DPP6: variants seen among roughly 807,000 people sequenced by gnomAD.
DPP6 encodes the protein dipeptidyl peptidase like 6, also known as A-type potassium channel modulatory protein DPP6.
A neutral mutation model predicts 122.6 loss-of-function variants in DPP6; 69 were observed. The observed-to-expected ratio is 0.56, with a 90% CI of 0.46 to 0.69. The LOEUF is 0.69. Ranked by LOEUF, DPP6 falls within the 30% of genes least tolerant of loss-of-function variation. DPP6 has a pLI of 0.00. For synonymous variants in DPP6, 418 were observed against 433.1 expected, an observed-to-expected ratio of 0.97 and a Z score of 0.43; for missense variants, 928 against 1,116.9, an observed-to-expected ratio of 0.83 and a Z score of 2.41.
intron 1 of DPP6, among the ~76,000 whole-genome samples, chr7:154,252,235 T>TGTGTGTGTGTGTGTGTGTGC (rs60245069): frequency 7.2e-4 from 108 of 149,442 alleles, no homozygotes; most frequent in African/African-American, 2.5e-3. Context: ...TGTGTGTGTG[T>TGTGTGTGTGTGTGTGTGTGC]GCGCGCATGC....
intron 4 of DPP6, among the ~76,000 whole-genome samples, chr7:154,555,657 A>G (rs1416150353): frequency 6.6e-6 from 1 of 152,044 alleles, no homozygotes; most frequent in Non-Finnish European, 1.5e-5. Flanking sequence ...ATGTCAAAAA[A>G]AACTAATAAG....
At position 154,893,253 on chromosome 7, in the gene DPP6, C is replaced by T. The variant is rs868166631; in HGVS notation, c.*773C>T. 144 of 262,512 alleles carry T rather than the reference C, an allele frequency of 5.5e-4. No individual in the cohort carries two copies. The highest frequency in any genetic ancestry group is 4.3e-3 in the Middle Eastern group (3 of 692). The allele number at this position is 262,512 out of a possible 1,614,324, so 16.3% of individuals were successfully genotyped here. A position where few individuals can be genotyped will look rare whatever the true frequency, so the allele number is the denominator to read the frequency against. ...CTCCCTCCTCAAGGTTGTCTTCAGA[C>T]GTCTTGGGGACGTTCCTAAACACTG... is the stretch of plus-strand genomic sequence containing the variant. On this transcript the variant is annotated 3_prime_UTR_variant, in exon 26 of 26. Coordinates refer to ENST00000377770, the MANE Select transcript of DPP6 (RefSeq NM_130797.4).
chr7:153,907,838 C>A (rs139261900), intron 1 of DPP6, among the ~76,000 whole-genome samples: 1 of 152,240 alleles, frequency 6.6e-6, no homozygotes. Flanking sequence ...TTTCTATATA[C>A]GTATGTGTAC....
chr7:154,352,997 ATC>A (rs1810999178), intron 1 of DPP6, among the ~76,000 whole-genome samples: 1 of 152,230 alleles, frequency 6.6e-6, no homozygotes, highest in Non-Finnish European at 1.5e-5. Context: ...CTACAAGTAT[ATC>A]TCAGCAATAT....
intron 1 of DPP6, among the ~76,000 whole-genome samples, chr7:154,375,888 C>T (rs575531004): frequency 3.7e-4 from 56 of 152,282 alleles, no homozygotes; most frequent in Admixed American, 2.9e-3. Context: ...CATGAATGGA[C>T]GCAGAGTGAG....
intron 1 of DPP6, among the ~76,000 whole-genome samples, chr7:154,351,197 T>G (rs1050640687): frequency 2.0e-5 from 3 of 152,064 alleles, no homozygotes; most frequent in Non-Finnish European, 4.4e-5. Context: ...TGTTAAAAAT[T>G]TAGCAATTTG....
chr7:154,058,476 A>C (rs1382602158), intron 1 of DPP6: 18 of 113,660 alleles, frequency 1.6e-4, no homozygotes, highest in Non-Finnish European at 2.7e-4. Flanking sequence ...CCCCCATCGT[A>C]GGGGGGGGGA....
At chr7:154,731,714 A>C (rs75469220) in intron 8 of DPP6, among the ~76,000 whole-genome samples, 1 of 152,352 alleles carries the variant, frequency 6.6e-6, no homozygotes, top group African/African-American at 2.4e-5. Context: ...ATAAAATTAC[A>C]TCGAATTTTG....
chr7:154,245,972 T>C lies in DPP6; in HGVS notation c.243+192909T>C, dbSNP rs144144296. 3.2e-3 allele frequency among the ~76,000 whole-genome samples: 483 copies of C among 152,316 alleles called. 3 individuals carry two copies. The highest frequency in any genetic ancestry group is 0.011 in the African/African-American group (454 of 41,580). On this transcript the variant is annotated intron_variant, in intron 1 of 25. Transcript: ENST00000377770. ...ACAGATTACTCCAATAATTGCAGAA[T>C]ATATATTTTTAAAGTGCAAGTAGAA...
the DPP6 span, among the ~76,000 whole-genome samples, chr7:153,783,997 T>G: frequency 6.6e-6 from 1 of 152,240 alleles, no homozygotes; most frequent in African/African-American, 2.4e-5. Flanking sequence ...ATCCATAATG[T>G]GTGTGTTAGC....
chr7:154,453,351 C>T (rs1002890206), intron 2 of DPP6, among the ~76,000 whole-genome samples: 17 of 152,074 alleles, frequency 1.1e-4, no homozygotes, highest in African/African-American at 3.9e-4. Context: ...ACACAAGACT[C>T]GTCAGTCTTT....
intron 6 of DPP6, among the ~76,000 whole-genome samples, chr7:154,649,924 A>T (rs1233109283): frequency 6.6e-6 from 1 of 152,204 alleles, no homozygotes; most frequent in East Asian, 1.9e-4. Context: ...TGCTTGCTCC[A>T]TGAAGTCCTC....
intron 2 of DPP6, among the ~76,000 whole-genome samples, chr7:154,473,857 A>G (rs975160820): frequency 1.3e-5 from 2 of 152,232 alleles, no homozygotes; most frequent in East Asian, 3.8e-4. Context: ...TGGAATGCAC[A>G]CAGACATATG....
At chr7:154,737,914 G>T (rs1842643187) in intron 8 of DPP6, among the ~76,000 whole-genome samples, 1 of 152,164 alleles carries the variant, frequency 6.6e-6, no homozygotes, top group Admixed American at 6.5e-5. Context: ...TCAGTTTCCT[G>T]GTCTGGATGA....
chr7:154,226,282 C>T (rs750398915), intron 1 of DPP6, among the ~76,000 whole-genome samples: 10 of 151,554 alleles, frequency 6.6e-5, no homozygotes, highest in Non-Finnish European at 1.5e-4. Context: ...AAACTAGAAA[C>T]CATTTGATAG....
At chr7:154,345,725 A>T (rs1300969843) in intron 1 of DPP6, among the ~76,000 whole-genome samples, 1 of 152,022 alleles carries the variant, frequency 6.6e-6, no homozygotes, top group African/African-American at 2.4e-5. Context: ...TGCCATATGC[A>T]TCCATAAAGG....
chr7:153,947,495 T>A lies in DPP6; in HGVS notation c.51+59761T>A, dbSNP rs59132532. The stretch of plus-strand genomic sequence containing the variant: ...CCCTATAAACTAGACTGGCAAAAAA[T>A]AATAATAATAATAAGAGAAAATTAC... On this transcript the variant is annotated intron_variant, in intron 1 of 25. Transcript: ENST00000404039. Among the ~76,000 whole-genome samples, 691 of 152,042 alleles carry A rather than the reference T, an allele frequency of 4.5e-3. 3 individuals carry two copies. The highest frequency in any genetic ancestry group is 0.015 in the African/African-American group (612 of 41,450).
At chr7:153,928,804 GC>G (rs1801042162) in intron 1 of DPP6, among the ~76,000 whole-genome samples, 2 of 151,992 alleles carry the variant, frequency 1.3e-5, no homozygotes, top group African/African-American at 4.8e-5. Context: ...TTTTTCCTAG[GC>G]CTTTAACTTA....
chr7:153,944,794 C>A (rs780831571), intron 1 of DPP6, among the ~76,000 whole-genome samples: 10 of 151,326 alleles, frequency 6.6e-5, no homozygotes, highest in Non-Finnish European at 1.0e-4. Flanking sequence ...CCACGCCTGG[C>A]TAATTTTTGT....
Sources: gnomAD v4.1 joint callset for allele counts (sites outside exome capture counted in the v4.1 genomes callset) on GRCh38, gnomAD v4.1.1 for gene constraint, MANE v1.5 for transcripts, NCBI Gene and HGNC (gene_info 2026-07-23, HGNC 2026-07-21) for gene names.